Variants in SLX4IP observed in about 807,000 individuals in gnomAD.
SLX4IP encodes the protein SLX4 interacting protein, also known as protein SLX4IP.
Under a neutral mutation model 32.9 loss-of-function variants are expected in SLX4IP, and 34 were observed. The observed-to-expected ratio is 1.03, with a 90% CI of 0.79 to 1.38. The LOEUF (loss-of-function observed/expected upper bound fraction) is 1.38, where lower values mean the gene tolerates loss of function less well. SLX4IP is among the 40% of genes most tolerant of loss of function. The probability of loss-of-function intolerance (pLI) is 0.00; values close to 1 mark genes in which losing one functional copy is unlikely to be tolerated. For synonymous variants in SLX4IP, 172 were observed against 171.7 expected, an observed-to-expected ratio of 1.00 and a Z score of -0.01; for missense variants, 444 against 479.0, an observed-to-expected ratio of 0.93 and a Z score of 0.68.
intron 6 of SLX4IP, chr20:10,613,709 T>C (rs1281289221): frequency 1.1e-5 from 17 of 1,613,166 alleles, no homozygotes; most frequent in African/African-American, 1.3e-5. Context: ...ATGGGACCTC[T>C]CCGGCGTCAA....
intron 2 of SLX4IP, among the ~76,000 whole-genome samples, chr20:10,509,806 G>T (rs1466049400): frequency 6.6e-6 from 1 of 151,682 alleles, no homozygotes. Context: ...CCTCCCCTTC[G>T]GCTTTCCCAG....
chr20:10,598,787 C>G (rs780160468), intron 5 of SLX4IP, 35 bp downstream of exon 5: 1 of 1,593,726 alleles, frequency 6.3e-7, no homozygotes, highest in African/African-American at 1.3e-5. Flanking sequence ...TCAGACATTT[C>G]ACACAATCTG....
At chr20:10,530,052 A>G (rs2065975211) in intron 2 of SLX4IP, among the ~76,000 whole-genome samples, 1 of 152,104 alleles carries the variant, frequency 6.6e-6, no homozygotes. Context: ...GTGGTTCCCA[A>G]AAGTTTTGGG....
chr20:10,443,922 T>C (rs535856470), intron 1 of SLX4IP, among the ~76,000 whole-genome samples: 2 of 152,276 alleles, frequency 1.3e-5, no homozygotes, highest in South Asian at 4.1e-4. Context: ...TCCACCATGA[T>C]TGTAAGTCTC....
At chr20:10,604,399 C>CTTTTTTTTTT (rs1423858409) in intron 6 of SLX4IP, among the ~76,000 whole-genome samples, 1 of 151,130 alleles carries the variant, frequency 6.6e-6, no homozygotes, top group Non-Finnish European at 1.5e-5. Context: ...TTTCCTTCAT[C>CTTTTTTTTTT]TTTTTTTTTG....
intron 4 of SLX4IP, among the ~76,000 whole-genome samples, chr20:10,580,789 T>C (rs905227740): frequency 3.3e-5 from 5 of 152,138 alleles, no homozygotes; most frequent in African/African-American, 1.2e-4. Context: ...TCATACTGGC[T>C]CCTGGAACTC....
At chr20:10,505,790 G>A (rs989518799) in intron 2 of SLX4IP, among the ~76,000 whole-genome samples, 2 of 151,726 alleles carry the variant, frequency 1.3e-5, no homozygotes, top group Admixed American at 6.6e-5. Flanking sequence ...AAATATAACC[G>A]AGTTGTATTA....
At chr20:10,461,085 A>T (rs1484938202) in intron 2 of SLX4IP, among the ~76,000 whole-genome samples, 1 of 152,156 alleles carries the variant, frequency 6.6e-6, no homozygotes, top group African/African-American at 2.4e-5. Flanking sequence ...AGTTTGTTGG[A>T]TAGTCTCATA....
At chr20:10,518,278 G>A (rs2065866984) in intron 2 of SLX4IP, among the ~76,000 whole-genome samples, 1 of 152,216 alleles carries the variant, frequency 6.6e-6, no homozygotes, top group Admixed American at 6.5e-5. Flanking sequence ...TTGCTTTCCT[G>A]CTGGAAACTG....
intron 2 of SLX4IP, among the ~76,000 whole-genome samples, chr20:10,518,490 TTTCC>T (rs201990578): frequency 0.062 from 4,054 of 65,638 alleles, 187 homozygotes; most frequent in East Asian, 0.097. Context: ...TTCCTTTCCT[TTTCC>T]TTCCTTCCTT....
chr20:10,444,348 C>T (rs528475007), intron 1 of SLX4IP, among the ~76,000 whole-genome samples: 3 of 152,212 alleles, frequency 2.0e-5, no homozygotes, highest in African/African-American at 7.2e-5. Context: ...GATCAAGGCA[C>T]CAGCAGATTC....
chr20:10,614,164 C>T, intron 6 of SLX4IP: 1 of 880,752 alleles, frequency 1.1e-6, no homozygotes, highest in Non-Finnish European at 1.8e-6. Flanking sequence ...ACGCCCAGCA[C>T]CCAGTAAAGC....
At position 10,622,682 on chromosome 20, in the gene SLX4IP, G is replaced by T. The variant is rs752827024; in HGVS notation, c.530G>T (p.Ser177Ile). 1.9e-6 allele frequency: 3 copies of T among 1,610,038 alleles called. No homozygotes were observed. Among genetic ancestry groups the T allele is most frequent in the Non-Finnish European group, 2.5e-6 (3 of 1,178,440 alleles). The change falls in exon 8 of 8, where the codon AGC becomes ATC. Residue 177 changes from serine to isoleucine, a missense_variant. By Grantham distance (142) the Ser-to-Ile change is moderately radical. Transcript: ENST00000334534. Reference protein sequence around the residue: ...KEIVKRTETKSSVTSKSQTRR... With the variant: ...KEIVKRTETKISVTSKSQTRR... ...AGTGTGAAAAGAACTGAAACAAAAA[G>T]CAGTGTCACGAGCAAATCGCAGACC...
intron 3 of SLX4IP, among the ~76,000 whole-genome samples, chr20:10,558,299 G>A (rs1042653388): frequency 7.0e-6 from 1 of 142,848 alleles, no homozygotes; most frequent in African/African-American, 2.6e-5. Context: ...TTGTGATCAT[G>A]CCACTGAACT....
At position 10,624,822 on chromosome 20, in the gene SLX4IP, C is replaced by G. The variant is rs1430264939; in HGVS notation, c.*1443C>G. 1 of 152,236 alleles carries G rather than the reference C, an allele frequency of 6.6e-6. No individual in the cohort carries two copies. The highest frequency in any genetic ancestry group is 1.5e-5 in the Non-Finnish European group (1 of 68,086). The allele number at this position is 152,236 out of a possible 1,614,324, so 9.4% of individuals were successfully genotyped here. A position where few individuals can be genotyped will look rare whatever the true frequency, so the allele number is the denominator to read the frequency against. On this transcript the variant is annotated 3_prime_UTR_variant, in exon 8 of 8. Transcript: ENST00000334534. ...AAGACCAGTAAGACTCATGAAGCAG[C>G]AGCTATATTTCATGGCACCATTTTG...
Position 10,623,514 on chromosome 20 carries a change from T to C in SLX4IP, c.*135T>C, listed in dbSNP as rs149792008. The C allele has an allele frequency of 8.0e-4, 1,046 of 1,300,862 alleles. 21 individuals carry two copies. The East Asian group carries it at 0.024, about 30-fold the overall frequency. The allele number at this position is 1,300,862 out of a possible 1,614,324, so 80.6% of individuals were successfully genotyped here. A position where few individuals can be genotyped will look rare whatever the true frequency, so the allele number is the denominator to read the frequency against. On this transcript the variant is annotated 3_prime_UTR_variant, in exon 8 of 8. Coordinates refer to ENST00000334534, the MANE Select transcript of SLX4IP (RefSeq NM_001009608.3). ...ATTTAAATAGGAAGTGTGTTATCTGTGTTATGGCTATGGTTTGTTTTCAAA... is the reference window on the plus strand; with the variant it reads ...ATTTAAATAGGAAGTGTGTTATCTGCGTTATGGCTATGGTTTGTTTTCAAA...
At chr20:10,458,671 G>A (rs112457207) in intron 2 of SLX4IP, among the ~76,000 whole-genome samples, 2,240 of 152,122 alleles carry the variant, frequency 0.015, 49 homozygotes, top group African/African-American at 0.049. Context: ...CTCCATCCAC[G>A]TCCCTGCAAA....
chr20:10,490,525 C>T (rs1386416015), intron 2 of SLX4IP, among the ~76,000 whole-genome samples: 1 of 152,170 alleles, frequency 6.6e-6, no homozygotes, highest in Non-Finnish European at 1.5e-5. Flanking sequence ...CACATTGAGA[C>T]TGGTCACTCA....
chr20:10,457,486 T>C (rs1174914189), intron 1 of SLX4IP, among the ~76,000 whole-genome samples: 1 of 151,712 alleles, frequency 6.6e-6, no homozygotes, highest in Non-Finnish European at 1.5e-5. Flanking sequence ...TTTTCTGTTA[T>C]TCTATTAATA....
Sources: allele counts gnomAD v4.1 joint callset (sites outside exome capture counted in the v4.1 genomes callset), GRCh38; gene constraint gnomAD v4.1.1; transcripts MANE v1.5; gene names NCBI Gene and HGNC (gene_info 2026-07-23, HGNC 2026-07-21).